The following TENM2 variants were observed in gnomAD, a reference collection of about 807,000 sequenced individuals.
TENM2 encodes the protein teneurin-2.
Under a neutral mutation model 245.2 loss-of-function variants are expected in TENM2, and 52 were observed. The ratio of observed to expected loss-of-function variants is 0.21; its 90% CI spans 0.17 to 0.27. TENM2 has a LOEUF of 0.27. TENM2 is among the 10% of genes least tolerant of loss of function. The pLI, the probability that TENM2 is intolerant of heterozygous loss-of-function variation, is 1.00. For synonymous variants in TENM2, 1,363 were observed against 1,438.9 expected (o/e 0.95, Z 1.19); for missense variants, 3,046 against 3,666.8 (o/e 0.83, Z 4.37).
chr5:167,005,438 AC>A, the TENM2 span, among the ~76,000 whole-genome samples: 1 of 152,132 alleles, frequency 6.6e-6, no homozygotes, highest in East Asian at 1.9e-4. Context: ...CTCTATTTCC[AC>A]CATCTTGGAC....
At chr5:168,141,939 A>G (rs888561284) in intron 12 of TENM2, among the ~76,000 whole-genome samples, 5 of 152,224 alleles carry the variant, frequency 3.3e-5, no homozygotes, top group African/African-American at 9.6e-5. Context: ...TTGGAGCGCT[A>G]TACTGGAGCC....
At chr5:167,260,403 GT>G in the TENM2 span, among the ~76,000 whole-genome samples, 14 of 152,126 alleles carry the variant, frequency 9.2e-5, no homozygotes, top group Admixed American at 4.6e-4. Context: ...AGCTATAAAA[GT>G]TTAACCACTA....
At chr5:168,181,640 C>T (rs1028657639) in intron 13 of TENM2, among the ~76,000 whole-genome samples, 7 of 149,996 alleles carry the variant, frequency 4.7e-5, no homozygotes, top group Admixed American at 3.3e-4. Context: ...AGGTCTTCTT[C>T]CAGAAGGAGT....
intron 1 of TENM2, chr5:167,306,251 C>A (rs1045929529): frequency 5.9e-5 from 9 of 152,228 alleles, no homozygotes; most frequent in African/African-American, 2.2e-4. Context: ...TCAATCAGAT[C>A]GTGGCCCTTT....
chr5:167,579,079 T>C (rs1033991800), intron 2 of TENM2, among the ~76,000 whole-genome samples: 2 of 152,188 alleles, frequency 1.3e-5, no homozygotes, highest in Non-Finnish European at 2.9e-5. Context: ...TCCATTTACT[T>C]TTCCAAGCTT....
intron 9 of TENM2, among the ~76,000 whole-genome samples, chr5:168,110,220 A>C (rs2152312697): frequency 6.6e-6 from 1 of 151,958 alleles, no homozygotes; most frequent in South Asian, 2.1e-4. Context: ...GAAAGAGGTC[A>C]GCTGGGATGG....
intron 2 of TENM2, among the ~76,000 whole-genome samples, chr5:167,434,241 G>A (rs1764409132): frequency 1.3e-5 from 2 of 151,680 alleles, no homozygotes. Flanking sequence ...CCAACATGGA[G>A]AAACTCCATC....
intron 14 of TENM2, among the ~76,000 whole-genome samples, chr5:168,193,612 C>T (rs759403359): frequency 1.3e-5 from 2 of 152,198 alleles, no homozygotes; most frequent in Non-Finnish European, 2.9e-5. Flanking sequence ...ACTGCAAAGC[C>T]TTCTGCTACA....
intron 2 of TENM2, 145 bp downstream of exon 4, chr5:167,375,618 G>A: frequency 2.4e-6 from 2 of 824,666 alleles, no homozygotes; most frequent in Non-Finnish European, 3.8e-6. Context: ...TGAGCTGGGG[G>A]GAAGTAAACC....
At chr5:168,046,162 A>G (rs1788588749) in intron 5 of TENM2, among the ~76,000 whole-genome samples, 2 of 152,202 alleles carry the variant, frequency 1.3e-5, no homozygotes, top group Admixed American at 6.5e-5. Flanking sequence ...TTTTAACCTT[A>G]ATAGAATGCA....
chr5:168,043,751 G>A (rs1212901978), intron 5 of TENM2, among the ~76,000 whole-genome samples: 1 of 152,142 alleles, frequency 6.6e-6, no homozygotes, highest in African/African-American at 2.4e-5. Flanking sequence ...TGTAGCCCAC[G>A]TCATCTTCAC....
At chr5:167,018,296 G>A in the TENM2 span, among the ~76,000 whole-genome samples, 18 of 151,944 alleles carry the variant, frequency 1.2e-4, no homozygotes, top group African/African-American at 4.1e-4. Context: ...TAATAAAGAG[G>A]CAGATATTCA....
At chr5:167,806,473 A>C (rs138842177) in intron 2 of TENM2, among the ~76,000 whole-genome samples, 2 of 152,282 alleles carry the variant, frequency 1.3e-5, no homozygotes, top group East Asian at 3.9e-4. Flanking sequence ...CAGGGACTCA[A>C]GTAATATCAC....
At chr5:168,225,064 G>T (rs1764035916) in intron 23 of TENM2, among the ~76,000 whole-genome samples, 1 of 152,222 alleles carries the variant, frequency 6.6e-6, no homozygotes, top group Non-Finnish European at 1.5e-5. Context: ...AGGCAGTAGG[G>T]CATGATCACT....
chr5:167,809,741 T>C (rs4868807), intron 2 of TENM2, among the ~76,000 whole-genome samples: 16,442 of 152,150 alleles, frequency 0.11, 1,482 homozygotes, highest in East Asian at 0.42. Context: ...GGGGAAGATT[T>C]TGGGGACAGG....
At chr5:167,712,095 G>T (rs984308722) in intron 2 of TENM2, among the ~76,000 whole-genome samples, 1 of 152,018 alleles carries the variant, frequency 6.6e-6, no homozygotes, top group Admixed American at 6.6e-5. Flanking sequence ...TTTATCTCAG[G>T]ACAGGATGAA....
At chr5:167,408,927 T>C (rs931933337) in intron 2 of TENM2, among the ~76,000 whole-genome samples, 26 of 149,884 alleles carry the variant, frequency 1.7e-4, no homozygotes, top group African/African-American at 6.2e-4. Flanking sequence ...TTCCATGTAT[T>C]TTCTCCCAAA....
At chr5:167,102,928 G>A in the TENM2 span, among the ~76,000 whole-genome samples, 2 of 152,174 alleles carry the variant, frequency 1.3e-5, no homozygotes, top group Non-Finnish European at 2.9e-5. Context: ...CGAAAGTGCC[G>A]GGATTACAGG....
intron 25 of TENM2, among the ~76,000 whole-genome samples, chr5:168,230,218 C>T (rs1023630303): frequency 6.6e-6 from 1 of 152,162 alleles, no homozygotes; most frequent in Non-Finnish European, 1.5e-5. Flanking sequence ...CTATCAACAC[C>T]TCAACATTTA....
Sources: allele counts gnomAD v4.1 joint callset (sites outside exome capture counted in the v4.1 genomes callset), GRCh38; gene constraint gnomAD v4.1.1; transcripts MANE v1.5; gene names NCBI Gene and HGNC (gene_info 2026-07-23, HGNC 2026-07-21).